Variants in HTR1B observed in about 807,000 individuals in gnomAD.
HTR1B encodes 5-hydroxytryptamine (serotonin) receptor 1B, G protein-coupled.
A neutral mutation model predicts 25.3 loss-of-function variants in HTR1B; 12 were observed. The observed-to-expected ratio is 0.47, with a 90% CI of 0.30 to 0.77. HTR1B has a LOEUF of 0.77. Ranked by LOEUF, HTR1B falls within the 30% of genes least tolerant of loss-of-function variation. The pLI, the probability that HTR1B is intolerant of heterozygous loss-of-function variation, is 0.06. For missense variants in HTR1B, 453 were observed against 503.0 expected, an observed-to-expected ratio of 0.90 and a Z score of 0.95; for synonymous variants, 224 against 219.1, an observed-to-expected ratio of 1.02 and a Z score of -0.20.
In HTR1B at chr6:77,463,333, T is replaced by A; in HGVS notation, c.71A>T (p.Asn24Ile). ...GTTTTGGGAGGGAGCAGAGGATAAG[T>A]TGGCTTGAGGAACCCAGGTCTCGGA... The part of the protein sequence containing the change: ...AGSETWVPQA[N>I]LSSAPSQNCS... The change falls in exon 1 of 1, where the codon AAC (asparagine) becomes ATC (isoleucine). Residue 24 changes from asparagine to isoleucine, a missense_variant. Transcript: ENST00000369947. 6.2e-7 allele frequency: 1 copy of A among 1,614,070 alleles called. No individual in the cohort carries two copies. The highest frequency in any genetic ancestry group is 8.5e-7 in the Non-Finnish European group (1 of 1,180,012).
Position 77,463,425 on chromosome 6 carries a change from G to C in HTR1B, c.-22C>G, listed in dbSNP as rs201085688. The C allele has an allele frequency of 1.8e-5, 28 of 1,594,982 alleles. No individual in the cohort carries two copies. In the East Asian group the frequency reaches 4.7e-4, roughly 27 times the overall value. ...CCATGGCTCTCCTCGCCCCAGCTCCGGAGCGCAGCTCTTGGGCATGGAGCG... is the reference window on the plus strand; with the variant it reads ...CCATGGCTCTCCTCGCCCCAGCTCCCGAGCGCAGCTCTTGGGCATGGAGCG... On this transcript the variant is annotated 5_prime_UTR_variant, in exon 1 of 1. Coordinates refer to ENST00000369947, the MANE Select transcript of HTR1B (RefSeq NM_000863.3).
In HTR1B at chr6:77,463,367, G is replaced by T; in HGVS notation, c.37C>A (p.Pro13Thr). Residue 13 changes from proline to threonine, a missense_variant, in exon 1 of 1, where the codon CCC (proline) becomes ACC (threonine). Coordinates refer to ENST00000369947, the MANE Select transcript of HTR1B (RefSeq NM_000863.3). The part of the protein sequence containing the change: ...EPGAQCAPPP[P>T]AGSETWVPQA... ...GGAACCCAGGTCTCGGAGCCCGCGG[G>T]CGGCGGTGGAGCGCACTGAGCACCC... 6.2e-7 allele frequency: 1 copy of T among 1,613,776 alleles called. No individual in the cohort carries two copies. The highest frequency in any genetic ancestry group is 8.5e-7 in the Non-Finnish European group (1 of 1,180,008).
In HTR1B at chr6:77,461,998, G is replaced by C; in HGVS notation, c.*233C>G. On this transcript the variant is annotated 3_prime_UTR_variant, in exon 1 of 1. Coordinates refer to ENST00000369947, the MANE Select transcript of HTR1B (RefSeq NM_000863.3). ...GTCAGTGCTGAGCCCGGGGCTTGAG[G>C]GGAGGAAGTGAGCCTCCTCCTGGGC... is the stretch of plus-strand genomic sequence containing the variant. 1 of 516,352 alleles carries C rather than the reference G, an allele frequency of 1.9e-6. No homozygotes were observed. 32.0% of individuals were successfully genotyped at this position (516,352 alleles called of 1,614,324 possible).
At position 77,462,583 on chromosome 6, in the gene HTR1B, A is replaced by T; in HGVS notation, c.821T>A (p.Val274Asp). Residue 274 changes from valine (V) to aspartate (D), a missense_variant, in exon 1 of 1, where the codon GTT becomes GAT. Physicochemically the swap from Val to Asp is radical, Grantham distance 152. This residue lies in a region of HTR1B where 289 missense variants were observed against 319.6 expected (regional missense o/e 0.90). Coordinates refer to ENST00000369947, the MANE Select transcript of HTR1B (RefSeq NM_000863.3). The surrounding 1 kb of genome is among the most constrained non-coding windows in gnomAD (Gnocchi z 4.9). The stretch of plus-strand genomic sequence containing the variant: ...TCCGGATTCGCTGGGCACGTCGGGA[A>T]CCCGCGAGTTAATAGAGGTGACCGA... ...TSSVTSINSRVPDVPSESGSP... is the reference protein window; with the variant it reads ...TSSVTSINSRDPDVPSESGSP... The T allele has an allele frequency of 6.2e-7, 1 of 1,613,092 alleles. No individual in the cohort carries two copies. Among genetic ancestry groups the T allele is most frequent in the Non-Finnish European group, 8.5e-7 (1 of 1,179,996 alleles).
rs1201383251 is a variant in HTR1B at position 77,463,435 on chromosome 6, T to C, written c.-32A>G. On this transcript the variant is annotated 5_prime_UTR_variant, in exon 1 of 1. Transcript: ENST00000369947. ...CCTCGCCCCAGCTCCGGAGCGCAGC[T>C]CTTGGGCATGGAGCGGACGAAGGAG... 2 of 1,578,206 alleles carry C rather than the reference T, an allele frequency of 1.3e-6. No individual in the cohort carries two copies. Among genetic ancestry groups the C allele is most frequent in the African/African-American group, 1.3e-5 (1 of 74,178 alleles).
chr6:77,462,872 T>C lies in HTR1B; in HGVS notation c.532A>G (p.Ile178Val). The C allele has an allele frequency of 3.1e-6, 5 of 1,613,734 alleles. 1 individual carries two copies. In the South Asian group the frequency reaches 3.3e-5, roughly 11 times the overall value. The change falls in exon 1 of 1, where the codon ATC (isoleucine) becomes GTC (valine). Residue 178 changes from isoleucine to valine, a missense_variant. This residue lies in a region of HTR1B where 289 missense variants were observed against 319.6 expected (regional missense o/e 0.90). Coordinates refer to ENST00000369947, the MANE Select transcript of HTR1B (RefSeq NM_000863.3). This position sits in a 1 kb window ranked among gnomAD's most constrained non-coding sequence, Gnocchi z 4.9. ...VMIALVWVFS[I>V]SISLPPFFWR... Reference sequence around the variant, plus strand: ...AAGAAGGGCGGCAGCGAGATAGAGATGGAGAAGACCCACACCAGCGCGATC... The same window carrying C: ...AAGAAGGGCGGCAGCGAGATAGAGACGGAGAAGACCCACACCAGCGCGATC...
In HTR1B at chr6:77,461,880, G is replaced by T; in HGVS notation, c.*351C>A. ...CAATTACAAGTACACTGCTTCTAGT[G>T]GGCATTATCCACGATACCAAAGCAG... On this transcript the variant is annotated 3_prime_UTR_variant, in exon 1 of 1. Coordinates refer to ENST00000369947, the MANE Select transcript of HTR1B (RefSeq NM_000863.3). 1 of 238,520 alleles carries T rather than the reference G, an allele frequency of 4.2e-6. No individual in the cohort carries two copies. The allele number at this position is 238,520 out of a possible 1,614,324, so 14.8% of individuals were successfully genotyped here. A position where few individuals can be genotyped will look rare whatever the true frequency, so the allele number is the denominator to read the frequency against.
Position 77,461,952 on chromosome 6 carries a change from T to G in HTR1B, c.*279A>C. On this transcript the variant is annotated 3_prime_UTR_variant, in exon 1 of 1. Coordinates refer to ENST00000369947, the MANE Select transcript of HTR1B (RefSeq NM_000863.3). The stretch of plus-strand genomic sequence containing the variant: ...TCAATTTTTAAAAGTTGCAACCCCC[T>G]TTGGGATTGGCTGCCGCAGGGTCAG... 1 of 375,322 alleles carries G rather than the reference T, an allele frequency of 2.7e-6. No homozygotes were observed. Among genetic ancestry groups the G allele is most frequent in the East Asian group, 4.7e-5 (1 of 21,340 alleles). The allele number at this position is 375,322 out of a possible 1,614,324, so 23.2% of individuals were successfully genotyped here.
At position 77,463,460 on chromosome 6, in the gene HTR1B, G is replaced by C. The variant is rs1041755987; in HGVS notation, c.-57C>G. 6.9e-7 allele frequency: 1 copy of C among 1,448,646 alleles called. No homozygotes were observed. 89.7% of individuals were successfully genotyped at this position (1,448,646 alleles called of 1,614,324 possible). A position where few individuals can be genotyped will look rare whatever the true frequency, so the allele number is the denominator to read the frequency against. On this transcript the variant is annotated 5_prime_UTR_variant, in exon 1 of 1. Transcript: ENST00000369947. The stretch of plus-strand genomic sequence containing the variant: ...TCTTGGGCATGGAGCGGACGAAGGA[G>C]AGGGCGGAAGGACCGTGGCGATCGC...
Position 77,462,993 on chromosome 6 carries a change from G to A in HTR1B, c.411C>T (p.Ile137=). The A allele has an allele frequency of 1.2e-6, 2 of 1,614,142 alleles. No homozygotes were observed. Among genetic ancestry groups the A allele is most frequent in the Non-Finnish European group, 8.5e-7 (1 of 1,180,038 alleles). The change falls in exon 1 of 1, where the codon ATC becomes ATT. Residue 137 remains isoleucine, a synonymous_variant. Coordinates refer to ENST00000369947, the MANE Select transcript of HTR1B (RefSeq NM_000863.3). The surrounding 1 kb of genome is among the most constrained non-coding windows in gnomAD (Gnocchi z 4.9). The part of the protein sequence containing the change: ...SSDITCCTAS[I]LHLCVIALDR... ...CCAGGGCGATGACACAGAGGTGCAG[G>A]ATGGAGGCAGTGCAACAAGTGATGT...
Position 77,463,070 on chromosome 6 carries a change from T to A in HTR1B, c.334A>T (p.Thr112Ser), listed in dbSNP as rs751329194. 23 of 1,614,078 alleles carry A rather than the reference T, an allele frequency of 1.4e-5. No individual in the cohort carries two copies. In the South Asian group the frequency reaches 2.3e-4, roughly 16 times the overall value. ...VMPISTMYTV[T>S]GRWTLGQVVC... ...ACCTGGCCCAGTGTCCAGCGGCCGG[T>A]GACAGTGTACATGGTGCTGATGGGC... is the stretch of plus-strand genomic sequence containing the variant. The change falls in exon 1 of 1, where the codon ACC (threonine) becomes TCC (serine). Residue 112 changes from threonine (T) to serine (S), a missense_variant. This residue lies in a region of HTR1B where 35 missense variants were observed against 65.1 expected (regional missense o/e 0.54). Coordinates refer to ENST00000369947, the MANE Select transcript of HTR1B (RefSeq NM_000863.3).
rs1378707006 is a variant in HTR1B, at chr6:77,461,016, G to A, written c.*1215C>T. Among the ~76,000 whole-genome samples the A allele has an allele frequency of 2.0e-5, 3 of 152,084 alleles. No individual in the cohort carries two copies. Among genetic ancestry groups the A allele is most frequent in the Non-Finnish European group, 2.9e-5 (2 of 68,016 alleles). The stretch of plus-strand genomic sequence containing the variant: ...CTGGAGAAGGAAGATAGTTCTCTTG[G>A]TTTCTTTATATGTTAGCACACAAGG... On this transcript the variant is annotated 3_prime_UTR_variant, in exon 1 of 1. Coordinates refer to ENST00000369947, the MANE Select transcript of HTR1B (RefSeq NM_000863.3).
chr6:77,463,031 A>G lies in HTR1B; in HGVS notation c.373T>C (p.Trp125Arg). 1.2e-6 allele frequency: 2 copies of G among 1,614,210 alleles called. No individual in the cohort carries two copies. The highest frequency in any genetic ancestry group is 1.7e-6 in the Non-Finnish European group (2 of 1,180,042). ...CAACAAGTGATGTCCGACGACAGCC[A>G]GAAGTCACAGACCACCTGGCCCAGT... is the stretch of plus-strand genomic sequence containing the variant. ...WTLGQVVCDF[W>R]LSSDITCCTA... is the part of the protein sequence containing the mutation. Residue 125 changes from tryptophan to arginine, a missense_variant, in exon 1 of 1, where the codon TGG (tryptophan) becomes CGG (arginine). Coordinates refer to ENST00000369947, the MANE Select transcript of HTR1B (RefSeq NM_000863.3).
chr6:77,461,771 C>A lies in HTR1B; in HGVS notation c.*460G>T, dbSNP rs559131611. The A allele has an allele frequency of 3.1e-5, 2 of 65,364 alleles. No individual in the cohort carries two copies. The highest frequency in any genetic ancestry group is 7.3e-5 in the African/African-American group (2 of 27,340). 4.0% of individuals were successfully genotyped at this position (65,364 alleles called of 1,614,324 possible). On this transcript the variant is annotated 3_prime_UTR_variant, in exon 1 of 1. Coordinates refer to ENST00000369947, the MANE Select transcript of HTR1B (RefSeq NM_000863.3). ...AAATTAAGCTGTAACACAAAGTTCT[C>A]CCCCCAAAAACACAGGGCATTAAGC...
Position 77,462,982 on chromosome 6 carries a change from CAG to C in HTR1B, c.420_421del (p.Val142HisfsTer18). 6.2e-7 allele frequency: 1 copy of C among 1,614,062 alleles called. No homozygotes were observed. Among genetic ancestry groups the C allele is most frequent in the Non-Finnish European group, 8.5e-7 (1 of 1,180,046 alleles). On this transcript the variant is annotated frameshift_variant, in exon 1 of 1. Transcript: ENST00000369947. LOFTEE classifies it high-confidence loss of function. The surrounding 1 kb of genome is among the most constrained non-coding windows in gnomAD (Gnocchi z 4.9). ...CCAGTAGCGGTCCAGGGCGATGACA[CAG>C]AGGTGCAGGATGGAGGCAGTGCAAC...
Position 77,462,663 on chromosome 6 carries a change from G to T in HTR1B, c.741C>A (p.Thr247=). ...SRILKQTPNR[T]GKRLTRAQLI... is the part of the protein sequence containing the mutation. ...GCTGGGCTCGGGTCAAGCGCTTGCC[G>T]GTCCTGTTGGGCGTCTGTTTCAAAA... The change falls in exon 1 of 1, where the codon ACC becomes ACA. Residue 247 remains threonine (T), a synonymous_variant. Transcript: ENST00000369947. This position sits in a 1 kb window ranked among gnomAD's most constrained non-coding sequence, Gnocchi z 4.9. The T allele has an allele frequency of 1.9e-6, 3 of 1,613,410 alleles. No homozygotes were observed. Among genetic ancestry groups the T allele is most frequent in the South Asian group, 2.2e-5 (2 of 91,082 alleles).
Position 77,463,128 on chromosome 6 carries a change from C to G in HTR1B, c.276G>C (p.Ala92=). 2 of 1,614,206 alleles carry G rather than the reference C, an allele frequency of 1.2e-6. No individual in the cohort carries two copies. Among genetic ancestry groups the G allele is most frequent in the Non-Finnish European group, 1.7e-6 (2 of 1,180,054 alleles). Residue 92 remains alanine (A), a synonymous_variant, in exon 1 of 1, where the codon GCG becomes GCC. Coordinates refer to ENST00000369947, the MANE Select transcript of HTR1B (RefSeq NM_000863.3). ...TPANYLIASL[A]VTDLLVSILV... ...GGATGGACACAAGCAGGTCGGTGAC[C>G]GCCAGAGAGGCGATCAGGTAGTTAG...
rs130062 is a variant in HTR1B at position 77,462,699 on chromosome 6, G to A, written c.705C>T (p.Ala235=). ...GCGTCTGTTTCAAAATCCGGGAGCG[G>A]GCTTCTACGTAGATGCGGCCATAGA... ...IALYGRIYVE[A]RSRILKQTPN... The change falls in exon 1 of 1, where the codon GCC becomes GCT. Residue 235 remains alanine, a synonymous_variant. Coordinates refer to ENST00000369947, the MANE Select transcript of HTR1B (RefSeq NM_000863.3). This position sits in a 1 kb window ranked among gnomAD's most constrained non-coding sequence, Gnocchi z 4.9. 1.3e-5 allele frequency: 21 copies of A among 1,613,618 alleles called. No homozygotes were observed. The African/African-American group carries it at 2.3e-4, about 17-fold the overall frequency.
chr6:77,463,368 C>G lies in HTR1B; in HGVS notation c.36G>C (p.Pro12=), dbSNP rs1355646952. ...GAACCCAGGTCTCGGAGCCCGCGGGCGGCGGTGGAGCGCACTGAGCACCCG... is the reference window on the plus strand; with the variant it reads ...GAACCCAGGTCTCGGAGCCCGCGGGGGGCGGTGGAGCGCACTGAGCACCCG... ...EEPGAQCAPP[P]PAGSETWVPQ... Residue 12 remains proline (P), a synonymous_variant, in exon 1 of 1, where the codon CCG becomes CCC. Coordinates refer to ENST00000369947, the MANE Select transcript of HTR1B (RefSeq NM_000863.3). 6.2e-7 allele frequency: 1 copy of G among 1,613,480 alleles called. No individual in the cohort carries two copies. Among genetic ancestry groups the G allele is most frequent in the Non-Finnish European group, 8.5e-7 (1 of 1,179,952 alleles).
Sources: gnomAD v4.1 joint callset for allele counts (sites outside exome capture counted in the v4.1 genomes callset) on GRCh38, gnomAD v4.1.1 for gene constraint, gnomAD v4.1.1 regional missense constraint, Gnocchi (gnomAD v3.1) non-coding constraint, MANE v1.5 for transcripts, NCBI Gene and HGNC (gene_info 2026-07-23, HGNC 2026-07-21) for gene names.